RAMP3: variants seen among roughly 807,000 people sequenced by gnomAD.
RAMP3 encodes the protein receptor activity-modifying protein 3.
Under a neutral mutation model 13.5 loss-of-function variants are expected in RAMP3, and 14 were observed. That is an observed-to-expected ratio of 1.04 (90% confidence interval 0.69 to 1.63). RAMP3 has a LOEUF of 1.63. RAMP3 is among the 40% of genes most tolerant of loss of function. RAMP3 has a pLI of 0.00. For synonymous variants in RAMP3, 106 were observed against 88.3 expected, an observed-to-expected ratio of 1.20 and a Z score of -1.12; for missense variants, 200 against 204.8, an observed-to-expected ratio of 0.98 and a Z score of 0.14.
Position 45,183,584 on chromosome 7 carries a change from C to G in RAMP3, c.*172C>G. 2.1e-6 allele frequency: 2 copies of G among 930,650 alleles called. No homozygotes were observed. The highest frequency in any genetic ancestry group is 3.2e-6 in the Non-Finnish European group (2 of 625,204). 57.6% of individuals were successfully genotyped at this position (930,650 alleles called of 1,614,324 possible). A position where few individuals can be genotyped will look rare whatever the true frequency, so the allele number is the denominator to read the frequency against. ...CCTGCTCCCTCGAGGCCAGCCTGCTCCCTGGCTGAGGCTCAGGCTATCCGC... is the reference window on the plus strand; with the variant it reads ...CCTGCTCCCTCGAGGCCAGCCTGCTGCCTGGCTGAGGCTCAGGCTATCCGC... On this transcript the variant is annotated 3_prime_UTR_variant, in exon 3 of 3. Coordinates refer to ENST00000242249, the MANE Select transcript of RAMP3 (RefSeq NM_005856.3).
chr7:45,167,134 C>A (rs1355432201), intron 1 of RAMP3, among the ~76,000 whole-genome samples: 1 of 151,902 alleles, frequency 6.6e-6, no homozygotes, highest in Non-Finnish European at 1.5e-5. Flanking sequence ...ATTTTTTGTA[C>A]TTTTAGTAGA....
chr7:45,157,868 TTGC>T lies in RAMP3; in HGVS notation c.51_53del (p.Leu18del), dbSNP rs746543457. On this transcript the variant is annotated inframe_deletion, in exon 1 of 3. Transcript: ENST00000242249. ...GCTGCGGCGCCCGCAACTTCTCCCG[TTGC>T]TGCTGCTGCTCTGCGGTAAGGGGGC... The T allele has an allele frequency of 2.8e-6, 4 of 1,408,212 alleles. No homozygotes were observed. The highest frequency in any genetic ancestry group is 1.6e-5 in the South Asian group (1 of 62,420). 87.2% of individuals were successfully genotyped at this position (1,408,212 alleles called of 1,614,324 possible).
chr7:45,168,052 A>T (rs561972131), intron 1 of RAMP3, among the ~76,000 whole-genome samples: 8 of 152,292 alleles, frequency 5.3e-5, no homozygotes, highest in African/African-American at 1.9e-4. Context: ...TTAACAATTA[A>T]GTGTTCCAAT....
chr7:45,183,591 T>A lies in RAMP3; in HGVS notation c.*179T>A. On this transcript the variant is annotated 3_prime_UTR_variant, in exon 3 of 3. Coordinates refer to ENST00000242249, the MANE Select transcript of RAMP3 (RefSeq NM_005856.3). ...CCTCGAGGCCAGCCTGCTCCCTGGC[T>A]GAGGCTCAGGCTATCCGCCCAAGCT... is the stretch of plus-strand genomic sequence containing the variant. The A allele has an allele frequency of 1.2e-6, 1 of 860,402 alleles. No homozygotes were observed. The highest frequency in any genetic ancestry group is 1.8e-6 in the Non-Finnish European group (1 of 563,036). The allele number at this position is 860,402 out of a possible 1,614,324, so 53.3% of individuals were successfully genotyped here.
chr7:45,165,149 G>A (rs1228376654), intron 1 of RAMP3, among the ~76,000 whole-genome samples: 1 of 151,862 alleles, frequency 6.6e-6, no homozygotes, highest in Admixed American at 6.6e-5. Context: ...TACTCCAGTG[G>A]TTGGTTCAGG....
At chr7:45,165,872 A>T (rs1399838541) in intron 1 of RAMP3, among the ~76,000 whole-genome samples, 2 of 152,112 alleles carry the variant, frequency 1.3e-5, no homozygotes, top group Admixed American at 6.6e-5. Flanking sequence ...TTAGCACTTC[A>T]CTCTTTTATG....
chr7:45,178,926 G>A lies in RAMP3; in HGVS notation c.191+1485G>A, dbSNP rs570262354. Among the ~76,000 whole-genome samples the A allele has an allele frequency of 3.6e-4, 55 of 152,274 alleles. No homozygotes were observed. In the South Asian group the frequency reaches 0.011, roughly 31 times the overall value. On this transcript the variant is annotated intron_variant, in intron 2 of 2. Coordinates refer to ENST00000242249, the MANE Select transcript of RAMP3 (RefSeq NM_005856.3). ...GAAGTCAGACCTGATGCTGGAAAAG[G>A]GGAGCTGGGAACAGCCAGGTTGACA...
rs116176723 is a variant in RAMP3, at chr7:45,168,705, A to G, written c.59-8604A>G. Among the ~76,000 whole-genome samples the G allele has an allele frequency of 3.1e-3, 476 of 152,248 alleles. 1 individual carries two copies. The highest frequency in any genetic ancestry group is 0.011 in the African/African-American group (455 of 41,536). On this transcript the variant is annotated intron_variant, in intron 1 of 2. Transcript: ENST00000242249. ...TTCTTTCAGATTTTCTAAGTATAAA[A>G]TCGTGTCATCTGTGATAGAGATAGT... is the stretch of plus-strand genomic sequence containing the variant.
rs116367125 is a variant in RAMP3, at chr7:45,172,502, G to C, written c.59-4807G>C. Among the ~76,000 whole-genome samples, 302 of 152,268 alleles carry C rather than the reference G, an allele frequency of 2.0e-3. 3 individuals carry two copies. Among genetic ancestry groups the C allele is most frequent in the African/African-American group, 6.8e-3 (281 of 41,560 alleles). Reference sequence around the variant, plus strand: ...GTTTCTTTTCTTTTCTTTCAACAGAGTCTCACTTTGTCACCCAGGCTAGAG... The same window carrying C: ...GTTTCTTTTCTTTTCTTTCAACAGACTCTCACTTTGTCACCCAGGCTAGAG... On this transcript the variant is annotated intron_variant, in intron 1 of 2. Coordinates refer to ENST00000242249, the MANE Select transcript of RAMP3 (RefSeq NM_005856.3).
intron 2 of RAMP3, among the ~76,000 whole-genome samples, chr7:45,179,581 T>A (rs1786262784): frequency 6.6e-6 from 1 of 151,442 alleles, no homozygotes; most frequent in Non-Finnish European, 1.5e-5. Flanking sequence ...AGAAGTGAAA[T>A]GGAATAGAAA....
chr7:45,181,606 G>T (rs529899747), intron 2 of RAMP3, among the ~76,000 whole-genome samples: 2 of 152,338 alleles, frequency 1.3e-5, no homozygotes, highest in South Asian at 4.1e-4. Flanking sequence ...GAAGGTGAAG[G>T]CTGTTGCAGG....
chr7:45,177,286 T>C (rs1205285660), intron 1 of RAMP3, 23 bp from the exon 2 acceptor site: 1 of 1,613,728 alleles, frequency 6.2e-7, no homozygotes, highest in African/African-American at 1.3e-5. Flanking sequence ...GTAGTGGAAT[T>C]CTTATGGCTG....
At chr7:45,181,204 A>AGT (rs1435287139) in intron 2 of RAMP3, among the ~76,000 whole-genome samples, 1 of 152,238 alleles carries the variant, frequency 6.6e-6, no homozygotes, top group Non-Finnish European at 1.5e-5. Flanking sequence ...AAAGATGGTG[A>AGT]GTGGCTGAGC....
chr7:45,162,803 G>T (rs761950066), intron 1 of RAMP3, among the ~76,000 whole-genome samples: 3 of 152,194 alleles, frequency 2.0e-5, no homozygotes, highest in Non-Finnish European at 2.9e-5. Flanking sequence ...GAGGCTCAGA[G>T]GGGCAAGTGA....
chr7:45,168,139 GC>G (rs1482382124), intron 1 of RAMP3, among the ~76,000 whole-genome samples: 8 of 151,952 alleles, frequency 5.3e-5, no homozygotes, highest in African/African-American at 1.9e-4. Context: ...GGTGGTTCAT[GC>G]CTGTAATCCC....
In RAMP3 at chr7:45,178,403, G is replaced by A. The variant is rs535084075; in HGVS notation, c.191+962G>A. Among the ~76,000 whole-genome samples the A allele has an allele frequency of 3.9e-5, 6 of 152,296 alleles. No homozygotes were observed. In the South Asian group the frequency reaches 8.3e-4, roughly 21 times the overall value. On this transcript the variant is annotated intron_variant, in intron 2 of 2. Transcript: ENST00000242249. ...TGGTGGCTGCTGCCAGACCCTAAAT[G>A]TGCTGGCCTCATGCTTTTGCATGTT...
intron 1 of RAMP3, among the ~76,000 whole-genome samples, chr7:45,162,467 T>C (rs1294955): frequency 0.062 from 9,440 of 152,128 alleles, 391 homozygotes; most frequent in East Asian, 0.12. Context: ...GGGTGGGAAT[T>C]GGAGTGAGGG....
chr7:45,180,164 G>C (rs146659307), intron 2 of RAMP3, among the ~76,000 whole-genome samples: 1 of 152,394 alleles, frequency 6.6e-6, no homozygotes, highest in Admixed American at 6.5e-5. Flanking sequence ...GAAGCTATGA[G>C]ATTTGGGGAG....
At chr7:45,160,104 G>A (rs187196871) in intron 1 of RAMP3, among the ~76,000 whole-genome samples, 6 of 151,976 alleles carry the variant, frequency 3.9e-5, no homozygotes, top group Non-Finnish European at 8.8e-5. Context: ...AGGCCAAGGC[G>A]GGCAGATCTC....
Sources: gnomAD v4.1 joint callset for allele counts (sites outside exome capture counted in the v4.1 genomes callset) on GRCh38, gnomAD v4.1.1 for gene constraint, MANE v1.5 for transcripts, NCBI Gene and HGNC (gene_info 2026-07-23, HGNC 2026-07-21) for gene names.